The following PKHD1 variants were observed in gnomAD, a reference collection of about 807,000 sequenced individuals.
PKHD1 encodes fibrocystin.
PKHD1 carries 291 observed loss-of-function variants against 412.0 expected under a neutral mutation model. That is an observed-to-expected ratio of 0.71 (90% CI 0.64 to 0.78). The LOEUF is 0.78. Ranked by LOEUF, PKHD1 falls within the 30% of genes least tolerant of loss-of-function variation. The pLI is 0.00. For missense variants in PKHD1, 4,825 were observed against 4,950.7 expected, an observed-to-expected ratio of 0.97 and a Z score of 0.76; for synonymous variants, 1,777 against 1,821.5, an observed-to-expected ratio of 0.98 and a Z score of 0.62.
At chr6:51,950,220 A>AAAAATATATATATATATATATATATATAT in intron 36 of PKHD1, among the ~76,000 whole-genome samples, 16 of 98,286 alleles carry the variant, frequency 1.6e-4, no homozygotes, top group Non-Finnish European at 2.0e-4. Context: ...GAAAAAAAAA[A>AAAAATATATATATATATATATATATATAT]ATATATATAT....
At position 51,939,544 on chromosome 6, in the gene PKHD1, C is replaced by G. The variant is rs544751107; in HGVS notation, c.5909-5222G>C. Among the ~76,000 whole-genome samples the G allele has an allele frequency of 4.0e-5, 6 of 151,666 alleles. No individual in the cohort carries two copies. The East Asian group carries it at 1.2e-3, about 29-fold the overall frequency. ...CCACTTGACCCCATTACAAACTTGA[C>G]AGTGGTTCCAAATAGCCAGAAAACA... On this transcript the variant is annotated intron_variant, in intron 36 of 66. Transcript: ENST00000371117.
At chr6:51,722,614 G>A (rs140860678) in intron 60 of PKHD1, among the ~76,000 whole-genome samples, 3 of 152,296 alleles carry the variant, frequency 2.0e-5, no homozygotes, top group South Asian at 4.1e-4. Flanking sequence ...GTAAATGGGA[G>A]CTATTGGAAT....
intron 55 of PKHD1, among the ~76,000 whole-genome samples, chr6:51,763,117 G>A (rs1196730493): frequency 3.3e-5 from 5 of 151,974 alleles, no homozygotes; most frequent in African/African-American, 4.8e-5. Context: ...TAGAACACAC[G>A]CAATGGAATC....
chr6:51,930,746 T>C (rs1786447654), intron 37 of PKHD1, among the ~76,000 whole-genome samples: 1 of 152,216 alleles, frequency 6.6e-6, no homozygotes, highest in Non-Finnish European at 1.5e-5. Flanking sequence ...AGTGCCCTGC[T>C]TCAGACTATA....
chr6:51,897,150 G>A (rs984387937), intron 43 of PKHD1, among the ~76,000 whole-genome samples: 50 of 152,220 alleles, frequency 3.3e-4, no homozygotes, highest in African/African-American at 1.2e-3. Flanking sequence ...TCAGATTCAG[G>A]AAATAGAGAG....
chr6:52,050,722 A>C (rs1806696824), intron 21 of PKHD1, among the ~76,000 whole-genome samples: 1 of 152,204 alleles, frequency 6.6e-6, no homozygotes, highest in East Asian at 1.9e-4. Context: ...ACACAGGGGC[A>C]CTTGGGTGTT....
At chr6:51,767,443 C>T (rs1298621410) in intron 55 of PKHD1, among the ~76,000 whole-genome samples, 1 of 151,832 alleles carries the variant, frequency 6.6e-6, no homozygotes, top group Non-Finnish European at 1.5e-5. Context: ...CCCATTAACT[C>T]GTCATTTAGC....
In PKHD1 at chr6:51,776,231, T is replaced by C. The variant is rs149530298; in HGVS notation, c.8441-310A>G. Among the ~76,000 whole-genome samples the C allele has an allele frequency of 1.6e-3, 251 of 152,134 alleles. 1 individual carries two copies. The highest frequency in any genetic ancestry group is 5.6e-3 in the African/African-American group (231 of 41,572). On this transcript the variant is annotated intron_variant, in intron 53 of 66. Coordinates refer to ENST00000371117, the MANE Select transcript of PKHD1 (RefSeq NM_138694.4). ...TTGACCAATGAAATTTGTGTGAAAG[T>C]GGTAGGAATATTAGTTTTCAGTTGA...
intron 46 of PKHD1, among the ~76,000 whole-genome samples, chr6:51,874,185 C>T (rs1053500600): frequency 2.0e-5 from 3 of 152,138 alleles, no homozygotes; most frequent in Admixed American, 6.6e-5. Flanking sequence ...TTTAAAGTAG[C>T]ATCATCTGCT....
chr6:51,906,899 C>T (rs1048740461), intron 40 of PKHD1, among the ~76,000 whole-genome samples: 2 of 152,098 alleles, frequency 1.3e-5, no homozygotes, highest in Non-Finnish European at 2.9e-5. Context: ...GGAAGCTATC[C>T]TCTACTACGC....
chr6:51,895,808 G>A lies in PKHD1; in HGVS notation c.6996+7789C>T, dbSNP rs1029165207. Among the ~76,000 whole-genome samples, 31 of 152,070 alleles carry A rather than the reference G, an allele frequency of 2.0e-4. No individual in the cohort carries two copies. The South Asian group carries it at 2.3e-3, about 11-fold the overall frequency. On this transcript the variant is annotated intron_variant, in intron 43 of 66. Transcript: ENST00000371117. ...ACAGTGGGCGCAGGTCAGTGGGTGC[G>A]CCCACCGTGCACAAGCCGAAGCAGG...
At chr6:51,919,476 C>G (rs1342821058) in intron 37 of PKHD1, among the ~76,000 whole-genome samples, 2 of 152,096 alleles carry the variant, frequency 1.3e-5, no homozygotes, top group Non-Finnish European at 2.9e-5. Context: ...CTGTTCTGTT[C>G]CATTGGTCTA....
chr6:51,722,394 A>G (rs1276445225), intron 60 of PKHD1, among the ~76,000 whole-genome samples: 2 of 152,220 alleles, frequency 1.3e-5, no homozygotes, highest in African/African-American at 4.8e-5. Flanking sequence ...AAGTTTGCAC[A>G]TTAAGAAAAA....
chr6:52,084,871 A>T lies in PKHD1; in HGVS notation c.52+11T>A. 1 of 1,557,566 alleles carries T rather than the reference A, an allele frequency of 6.4e-7. No individual in the cohort carries two copies. The highest frequency in any genetic ancestry group is 8.9e-7 in the Non-Finnish European group (1 of 1,128,526). ...CTTACCTATAATTCCTTCAAAACAC[A>T]TTCTACTGACCTGCCAAAAGTAGTA... On this transcript the variant is annotated intron_variant, in intron 2 of 66. Coordinates refer to ENST00000371117, the MANE Select transcript of PKHD1 (RefSeq NM_138694.4).
intron 55 of PKHD1, among the ~76,000 whole-genome samples, chr6:51,770,129 C>A (rs984901897): frequency 2.0e-5 from 3 of 151,302 alleles, no homozygotes; most frequent in African/African-American, 4.8e-5. Context: ...CCTTTTTTAA[C>A]CTAATTAAAA....
intron 52 of PKHD1, among the ~76,000 whole-genome samples, chr6:51,816,895 GT>G (rs1231726496): frequency 6.6e-6 from 1 of 152,132 alleles, no homozygotes. Context: ...TTGTCTTAAG[GT>G]TTTTCTTTGA....
Position 51,976,982 on chromosome 6 carries a change from C to A in PKHD1, c.5752-16956G>T, listed in dbSNP as rs1794546377. 2.8e-5 allele frequency among the ~76,000 whole-genome samples: 4 copies of A among 141,830 alleles called. No homozygotes were observed. In the South Asian group the frequency reaches 8.9e-4, roughly 32 times the overall value. 93.0% of individuals were successfully genotyped at this position (141,830 alleles called of 152,430 possible). ...AAAAAAAACCTGAAAAAAGATGTTT[C>A]TCCATATTTGATAAAATCAATATTC... is the stretch of plus-strand genomic sequence containing the variant. On this transcript the variant is annotated intron_variant, in intron 35 of 66. Coordinates refer to ENST00000371117, the MANE Select transcript of PKHD1 (RefSeq NM_138694.4).
intron 32 of PKHD1, among the ~76,000 whole-genome samples, chr6:52,023,544 T>C (rs1237732571): frequency 6.6e-6 from 1 of 152,210 alleles, no homozygotes; most frequent in East Asian, 1.9e-4. Flanking sequence ...TCTCCTCTTT[T>C]GCTATTGTTA....
intron 60 of PKHD1, among the ~76,000 whole-genome samples, chr6:51,708,257 T>C (rs959448663): frequency 6.6e-6 from 1 of 152,152 alleles, no homozygotes; most frequent in African/African-American, 2.4e-5. Context: ...TTACCTCTAA[T>C]CAATCAAGAA....
Sources: gnomAD v4.1 joint callset for allele counts (sites outside exome capture counted in the v4.1 genomes callset) on GRCh38, gnomAD v4.1.1 for gene constraint, MANE v1.5 for transcripts, NCBI Gene and HGNC (gene_info 2026-07-23, HGNC 2026-07-21) for gene names.